Variants in SLC66A3 observed in about 807,000 individuals in gnomAD.
SLC66A3 encodes PQ loop repeat containing 3.
In SLC66A3, 23 loss-of-function variants were observed where a neutral mutation model predicts 25.5. The ratio of observed to expected loss-of-function variants is 0.90; its 90% CI spans 0.65 to 1.28. SLC66A3 has a LOEUF of 1.28. Among genes scored for constraint, SLC66A3 ranks in the 50% most tolerant of loss-of-function variants. SLC66A3 has a pLI of 0.00. For synonymous variants in SLC66A3, 108 were observed against 112.6 expected (o/e 0.96, Z 0.26); for missense variants, 246 against 262.1 (o/e 0.94, Z 0.42).
chr2:11,176,888 G>GCT (rs1662772934), intron 6 of SLC66A3, among the ~76,000 whole-genome samples: 4 of 118,664 alleles, frequency 3.4e-5, no homozygotes, highest in Non-Finnish European at 8.1e-5. Context: ...CAAACACAAA[G>GCT]ATATCTTAAA....
chr2:11,168,446 G>A (rs758786989), intron 4 of SLC66A3, among the ~76,000 whole-genome samples: 1 of 152,182 alleles, frequency 6.6e-6, no homozygotes. Context: ...CTTCAGGACT[G>A]TAAAAATAGC....
At chr2:11,164,575 TTTCTTGCAGAGGGG>T (rs931169342) in intron 4 of SLC66A3, among the ~76,000 whole-genome samples, 2 of 150,882 alleles carry the variant, frequency 1.3e-5, no homozygotes, top group African/African-American at 4.9e-5. Flanking sequence ...TTCTTGGGTG[TTTCTTGCAGAGGGG>T]GATTTGGCAG....
chr2:11,161,136 C>G (rs1662114430), intron 3 of SLC66A3, among the ~76,000 whole-genome samples: 1 of 152,186 alleles, frequency 6.6e-6, no homozygotes, highest in Admixed American at 6.5e-5. Context: ...CAGTGGGAGC[C>G]TGGTCAGCTC....
intron 3 of SLC66A3, among the ~76,000 whole-genome samples, chr2:11,163,091 A>T (rs573478518): frequency 6.6e-6 from 1 of 152,170 alleles, no homozygotes; most frequent in East Asian, 1.9e-4. Context: ...AATATAAGAG[A>T]AAAAATGAGC....
At chr2:11,166,082 C>T (rs566536907) in intron 4 of SLC66A3, among the ~76,000 whole-genome samples, 23 of 152,138 alleles carry the variant, frequency 1.5e-4, no homozygotes, top group Non-Finnish European at 2.8e-4. Context: ...CTGTGTTGGC[C>T]AGGCTGGTCT....
intron 5 of SLC66A3, chr2:11,172,902 A>G (rs866705462): frequency 9.6e-6 from 2 of 208,582 alleles, no homozygotes. Flanking sequence ...TCGCTCTGTC[A>G]CCCAGGCTGG....
chr2:11,168,945 C>T (rs1662450789), intron 4 of SLC66A3, among the ~76,000 whole-genome samples: 1 of 150,408 alleles, frequency 6.6e-6, no homozygotes, highest in Non-Finnish European at 1.5e-5. Context: ...GCAACCTCTG[C>T]CTTCTGGGTT....
chr2:11,157,746 G>A (rs963019962), intron 1 of SLC66A3, among the ~76,000 whole-genome samples: 5 of 152,252 alleles, frequency 3.3e-5, no homozygotes, highest in African/African-American at 1.2e-4. Context: ...TTTTAGTGTG[G>A]CTTGGTGTGA....
At chr2:11,172,751 G>A (rs996735348) in intron 5 of SLC66A3, 5 of 433,950 alleles carry the variant, frequency 1.2e-5, no homozygotes, top group Non-Finnish European at 1.9e-5. Context: ...CCTTTGACAG[G>A]GTCTCGCTCT....
At chr2:11,168,009 G>T (rs181839283) in intron 4 of SLC66A3, among the ~76,000 whole-genome samples, 7 of 152,138 alleles carry the variant, frequency 4.6e-5, no homozygotes, top group African/African-American at 1.7e-4. Flanking sequence ...GGCCGGGTGC[G>T]GTGGCTCACG....
chr2:11,176,525 C>CCT (rs1662750774), intron 6 of SLC66A3, among the ~76,000 whole-genome samples: 1 of 87,306 alleles, frequency 1.1e-5, no homozygotes, highest in Non-Finnish European at 2.2e-5. Flanking sequence ...CTGGGAATAA[C>CCT]TTTTTTTTTT....
intron 4 of SLC66A3, among the ~76,000 whole-genome samples, chr2:11,165,635 A>G (rs994436742): frequency 6.6e-6 from 1 of 152,220 alleles, no homozygotes; most frequent in Admixed American, 6.5e-5. Context: ...AGAGGCTGCA[A>G]TCTCGGCACT....
chr2:11,172,123 G>T, intron 5 of SLC66A3, 78 bp downstream of exon 5: 1 of 1,415,438 alleles, frequency 7.1e-7, no homozygotes, highest in Non-Finnish European at 9.8e-7. Flanking sequence ...AGTTGGTGTT[G>T]AAGTAACATG....
Position 11,176,872 on chromosome 2 carries a change from GTT to G in SLC66A3, c.518-861_518-860del, listed in dbSNP as rs201456513. On this transcript the variant is annotated intron_variant, in intron 6 of 6. Coordinates refer to ENST00000295083, the MANE Select transcript of SLC66A3 (RefSeq NM_152391.5). ...ACAGTTCAGCTAAAATCTTACATGT[GTT>G]TTTCAAACACAAAGATATCTTAAAT... Among the ~76,000 whole-genome samples the G allele has an allele frequency of 6.6e-5, 9 of 136,992 alleles. No homozygotes were observed. In the East Asian group the frequency reaches 1.9e-3, roughly 30 times the overall value. 89.9% of individuals were successfully genotyped at this position (136,992 alleles called of 152,430 possible).
intron 4 of SLC66A3, among the ~76,000 whole-genome samples, chr2:11,171,687 G>T (rs1662558344): frequency 6.6e-6 from 1 of 151,948 alleles, no homozygotes; most frequent in East Asian, 1.9e-4. Context: ...TCCTGCCTCA[G>T]CCTCCCGAGT....
chr2:11,159,928 C>T (rs890299651), intron 1 of SLC66A3, among the ~76,000 whole-genome samples: 5 of 152,216 alleles, frequency 3.3e-5, no homozygotes, highest in Non-Finnish European at 7.3e-5. Context: ...CCCTCTCAAC[C>T]GGGCAGCTCT....
intron 3 of SLC66A3, among the ~76,000 whole-genome samples, chr2:11,163,760 A>G (rs59150882): frequency 0.061 from 9,231 of 152,268 alleles, 804 homozygotes; most frequent in African/African-American, 0.19. Flanking sequence ...TCATTTTTAC[A>G]GTGGAGTTTG....
At chr2:11,160,801 T>TAA (rs35227502) in intron 3 of SLC66A3, 107 bp downstream of exon 3, 41 of 1,225,744 alleles carry the variant, frequency 3.3e-5, no homozygotes, top group Non-Finnish European at 3.9e-5. Context: ...TTGGTTAAAC[T>TAA]AAAAAAAAAA....
At position 11,177,886 on chromosome 2, in the gene SLC66A3, A is replaced by C. The variant is rs772553547; in HGVS notation, c.*58A>C. On this transcript the variant is annotated 3_prime_UTR_variant, in exon 7 of 7. Coordinates refer to ENST00000295083, the MANE Select transcript of SLC66A3 (RefSeq NM_152391.5). Reference sequence around the variant, plus strand: ...GAGTAACTGAACCAAAGGAAAAAGAAGCTCTTTGCTAAATTAAGGTCTTTT... The same window carrying C: ...GAGTAACTGAACCAAAGGAAAAAGACGCTCTTTGCTAAATTAAGGTCTTTT... 1.4e-5 allele frequency: 14 copies of C among 1,031,606 alleles called. No individual in the cohort carries two copies. Among genetic ancestry groups the C allele is most frequent in the Non-Finnish European group, 2.1e-5 (14 of 682,574 alleles). The allele number at this position is 1,031,606 out of a possible 1,614,324, so 63.9% of individuals were successfully genotyped here.
Sources: gnomAD v4.1 joint callset for allele counts (sites outside exome capture counted in the v4.1 genomes callset) on GRCh38, gnomAD v4.1.1 for gene constraint, MANE v1.5 for transcripts, NCBI Gene and HGNC (gene_info 2026-07-23, HGNC 2026-07-21) for gene names.